STAG2: variants seen among roughly 807,000 people sequenced by gnomAD.
STAG2 encodes cohesin subunit SA-2.
Under a neutral mutation model 108.1 loss-of-function variants are expected in STAG2, and 14 were observed. The ratio of observed to expected loss-of-function variants is 0.13; its 90% CI spans 0.09 to 0.20. STAG2 has a LOEUF of 0.20. Among genes scored for constraint, STAG2 ranks in the 10% least tolerant of loss-of-function variants. STAG2 has a pLI of 1.00. For missense variants in STAG2, 440 were observed against 940.9 expected, an observed-to-expected ratio of 0.47 and a Z score of 6.96; for synonymous variants, 307 against 302.7, an observed-to-expected ratio of 1.01 and a Z score of -0.15.
intron 4 of STAG2, among the ~76,000 whole-genome samples, chrX:124,029,227 C>T (rs1426523183): frequency 9.3e-6 from 1 of 107,941 alleles, no homozygotes; most frequent in Non-Finnish European, 1.9e-5. Context: ...CCGTGTTAGC[C>T]AGGATGGTCT....
Position 123,964,017 on chromosome X carries a change from G to T in STAG2, c.-163+2161G>T, listed in dbSNP as rs1307460316. Among the ~76,000 whole-genome samples, 5 of 111,513 alleles carry T rather than the reference G, an allele frequency of 4.5e-5. No individual in the cohort carries two copies. The Admixed American group carries it at 4.8e-4, about 11-fold the overall frequency. On this transcript the variant is annotated intron_variant, in intron 1 of 34. Transcript: ENST00000371145. ...TGTGAAGCAGAAGTGGCCTTGAGTT[G>T]ATTATTGTAGCTGGATGAATACAGA... is the stretch of plus-strand genomic sequence containing the variant.
rs2053878582 is a variant in STAG2, at chrX:123,961,855, C to A, written c.-164C>A. 1 of 111,327 alleles carries A rather than the reference C, an allele frequency of 9.0e-6. No individual in the cohort carries two copies. The highest frequency in any genetic ancestry group is 1.9e-5 in the Non-Finnish European group (1 of 52,895). 9.2% of individuals were successfully genotyped at this position (111,327 alleles called of 1,213,427 possible). On this transcript the variant is annotated splice_region_variant and 5_prime_UTR_variant, in exon 1 of 35. Coordinates refer to ENST00000371145, the MANE Select transcript of STAG2 (RefSeq NM_001042750.2). ...CTCCATCCCTTCCGAGGCCCGACTT[C>A]GGTCAGTTTTCTTCGGGCAACAATT...
intron 1 of STAG2, among the ~76,000 whole-genome samples, chrX:124,004,863 C>T (rs1237507244): frequency 9.0e-6 from 1 of 111,382 alleles, no homozygotes; most frequent in Admixed American, 9.6e-5. Flanking sequence ...CAGTTTCCCC[C>T]AATGGTAACA....
At chrX:124,020,548 A>G (rs555526846) in intron 1 of STAG2, among the ~76,000 whole-genome samples, 2 of 111,730 alleles carry the variant, frequency 1.8e-5, no homozygotes, top group East Asian at 2.8e-4. Flanking sequence ...AATTAGCCAG[A>G]TGTGGTGAGT....
intron 34 of STAG2, among the ~76,000 whole-genome samples, chrX:124,095,847 AAAT>A (rs1367746411): frequency 2.7e-5 from 3 of 110,376 alleles, no homozygotes; most frequent in Non-Finnish European, 5.7e-5. Flanking sequence ...GCATGGTGAA[AAAT>A]AATGAGAACT....
chrX:124,073,388 C>T (rs372074159), intron 25 of STAG2, among the ~76,000 whole-genome samples: 2 of 110,963 alleles, frequency 1.8e-5, no homozygotes, highest in East Asian at 5.6e-4. Flanking sequence ...GAATTACCCA[C>T]ACTTCTTATC....
At position 124,015,477 on chromosome X, in the gene STAG2, C is replaced by T. The variant is rs186098301; in HGVS notation, c.-162-5890C>T. 3.8e-3 allele frequency among the ~76,000 whole-genome samples: 405 copies of T among 107,979 alleles called. 1 individual carries two copies. Among genetic ancestry groups the T allele is most frequent in the African/African-American group, 0.013 (376 of 29,516 alleles). The allele number at this position is 107,979 out of a possible 115,157, so 93.8% of individuals were successfully genotyped here. A position where few individuals can be genotyped will look rare whatever the true frequency, so the allele number is the denominator to read the frequency against. ...TTGGCTCACTGCAACCTCTGTCCCC[C>T]GGGTTCAAGCGATTCTCCTGCCTCA... On this transcript the variant is annotated intron_variant, in intron 1 of 34. Transcript: ENST00000371145.
intron 1 of STAG2, among the ~76,000 whole-genome samples, chrX:123,976,345 G>A (rs988278251): frequency 1.8e-5 from 2 of 111,933 alleles, no homozygotes; most frequent in Non-Finnish European, 3.8e-5. Flanking sequence ...AATTGTGTGT[G>A]CATATATGTA....
chrX:124,071,149 G>A lies in STAG2; in HGVS notation c.2359G>A (p.Ala787Thr), dbSNP rs1299199661. The change falls in exon 25 of 35, where the codon GCC becomes ACC. Residue 787 changes from alanine to threonine, a missense_variant and splice_region_variant. Around this residue, in one of 3 missense-constraint regions of STAG2, gnomAD observed 337 missense variants for 649.3 expected, o/e 0.52. Coordinates refer to ENST00000371145, the MANE Select transcript of STAG2 (RefSeq NM_001042750.2). ...TCCTCTTTTTTTTTTTTTTAAATAGGCCTTCACTATTCTGTGTGATATTTT... is the reference window on the plus strand; with the variant it reads ...TCCTCTTTTTTTTTTTTTTAAATAGACCTTCACTATTCTGTGTGATATTTT... ...TNVNTTVKEQAFTILCDILMI... is the reference protein window; with the variant it reads ...TNVNTTVKEQTFTILCDILMI... 9.0e-7 allele frequency: 1 copy of A among 1,112,005 alleles called. No individual in the cohort carries two copies. Among genetic ancestry groups the A allele is most frequent in the East Asian group, 3.3e-5 (1 of 30,130 alleles). The allele number at this position is 1,112,005 out of a possible 1,213,427, so 91.6% of individuals were successfully genotyped here. A position where few individuals can be genotyped will look rare whatever the true frequency, so the allele number is the denominator to read the frequency against.
chrX:123,989,800 C>T lies in STAG2; in HGVS notation c.-163+27944C>T, dbSNP rs187172203. Among the ~76,000 whole-genome samples, 92 of 109,896 alleles carry T rather than the reference C, an allele frequency of 8.4e-4. 1 individual carries two copies. The Middle Eastern group carries it at 0.023, about 28-fold the overall frequency. On this transcript the variant is annotated intron_variant, in intron 1 of 34. Coordinates refer to ENST00000371145, the MANE Select transcript of STAG2 (RefSeq NM_001042750.2). ...TGTATTTTTAGTGGAAACAGGGTTT[C>T]GCCATCTTGGCCAGGCTGGTCTTGA...
In STAG2 at chrX:124,102,270, G is replaced by A. The variant is rs896881569; in HGVS notation, c.*1673G>A. On this transcript the variant is annotated 3_prime_UTR_variant, in exon 35 of 35. Transcript: ENST00000371145. ...CCACTGCATTAACTAGAACTGCTGA[G>A]AGGACTGTATATATGATTTTAAACC... 2 of 158,584 alleles carry A rather than the reference G, an allele frequency of 1.3e-5. No individual in the cohort carries two copies. Among genetic ancestry groups the A allele is most frequent in the Non-Finnish European group, 2.5e-5 (2 of 81,322 alleles). The allele number at this position is 158,584 out of a possible 1,213,427, so 13.1% of individuals were successfully genotyped here.
chrX:123,984,003 G>A (rs1471088540), intron 1 of STAG2, among the ~76,000 whole-genome samples: 3 of 61,976 alleles, frequency 4.8e-5, no homozygotes, highest in East Asian at 6.3e-4. Context: ...TTTGAGACGG[G>A]GTTTCGCTCT....
intron 30 of STAG2, 63 bp from the exon 31 acceptor site, chrX:124,090,512 T>G (rs2059232304): frequency 1.1e-6 from 1 of 930,578 alleles, no homozygotes; most frequent in African/African-American, 1.9e-5. Context: ...CTGAACAGGT[T>G]GTATTAGACA....
chrX:124,082,296 C>T (rs1414483370), intron 28 of STAG2, among the ~76,000 whole-genome samples: 1 of 111,450 alleles, frequency 9.0e-6, no homozygotes, highest in Non-Finnish European at 1.9e-5. Flanking sequence ...AATTGGAAGT[C>T]GTTTTATTTT....
At chrX:124,081,051 G>A (rs1269553935) in intron 27 of STAG2, among the ~76,000 whole-genome samples, 1 of 108,753 alleles carries the variant, frequency 9.2e-6, no homozygotes, top group Non-Finnish European at 1.9e-5. Flanking sequence ...CCACTTAAAC[G>A]TAAATAACAG....
intron 3 of STAG2, among the ~76,000 whole-genome samples, chrX:124,023,775 A>T (rs1406061577): frequency 9.0e-6 from 1 of 111,526 alleles, no homozygotes. Flanking sequence ...GGACTAGACT[A>T]TTGACTGTTA....
chrX:124,013,807 A>G (rs767068543), intron 1 of STAG2, among the ~76,000 whole-genome samples: 2 of 111,208 alleles, frequency 1.8e-5, no homozygotes, highest in African/African-American at 6.5e-5. Flanking sequence ...CAGCAGGAAC[A>G]TGTCAGACGG....
At chrX:124,031,528 G>GTTTT (rs1216097103) in intron 5 of STAG2, among the ~76,000 whole-genome samples, 1 of 82,276 alleles carries the variant, frequency 1.2e-5, no homozygotes, top group Admixed American at 1.5e-4. Flanking sequence ...CCTGGCTAGT[G>GTTTT]TTTTTTGTTT....
chrX:123,983,409 G>A (rs894502997), intron 1 of STAG2, among the ~76,000 whole-genome samples: 1 of 111,306 alleles, frequency 9.0e-6, no homozygotes. Context: ...GCATTCAGTG[G>A]ATAGCCAATT....
Sources: gnomAD v4.1 joint callset for allele counts (sites outside exome capture counted in the v4.1 genomes callset) on GRCh38, gnomAD v4.1.1 for gene constraint, gnomAD v4.1.1 regional missense constraint, MANE v1.5 for transcripts, NCBI Gene and HGNC (gene_info 2026-07-23, HGNC 2026-07-21) for gene names.